Variants in MYO3B observed in about 807,000 individuals in gnomAD.
MYO3B encodes myosin-IIIb.
Under a neutral mutation model 174.6 loss-of-function variants are expected in MYO3B, and 156 were observed. That is an observed-to-expected ratio of 0.89 (90% CI 0.78 to 1.02). The LOEUF (loss-of-function observed/expected upper bound fraction) is 1.02, where lower values mean the gene tolerates loss of function less well. MYO3B is among the 50% of genes least tolerant of loss of function. MYO3B has a pLI of 0.00. For synonymous variants in MYO3B, 563 were observed against 569.1 expected (o/e 0.99, Z 0.15); for missense variants, 1,632 against 1,639.4 (o/e 1.00, Z 0.08).
intron 32 of MYO3B, among the ~76,000 whole-genome samples, chr2:170,623,146 A>ACACTGTCT (rs1284710591): frequency 6.6e-6 from 1 of 152,320 alleles, no homozygotes; most frequent in East Asian, 1.9e-4. Flanking sequence ...AGGAATCGCC[A>ACACTGTCT]CACTGTCTTC....
intron 6 of MYO3B, among the ~76,000 whole-genome samples, chr2:170,235,552 G>C (rs576600116): frequency 1.3e-5 from 2 of 152,288 alleles, no homozygotes; most frequent in Non-Finnish European, 2.9e-5. Flanking sequence ...ACATCTCTCT[G>C]CTTAGTTGGT....
At chr2:170,398,722 C>A (rs2105786647) in intron 16 of MYO3B, among the ~76,000 whole-genome samples, 1 of 152,218 alleles carries the variant, frequency 6.6e-6, no homozygotes, top group East Asian at 1.9e-4. Context: ...GAACTGGGAG[C>A]AAAGAACAAA....
chr2:170,199,159 C>A (rs752964945), intron 1 of MYO3B, 49 bp from the exon 2 acceptor site: 2 of 1,283,238 alleles, frequency 1.6e-6, no homozygotes, highest in Admixed American at 2.5e-5. Context: ...AAGTCCACTG[C>A]CCCCAGTTCT....
chr2:170,481,687 G>T (rs1185084833), intron 25 of MYO3B, among the ~76,000 whole-genome samples: 1 of 152,180 alleles, frequency 6.6e-6, no homozygotes, highest in Non-Finnish European at 1.5e-5. Context: ...CTTCAACATT[G>T]TGAGTAAAAT....
intron 32 of MYO3B, among the ~76,000 whole-genome samples, chr2:170,553,140 G>A (rs1691038319): frequency 6.6e-6 from 1 of 152,202 alleles, no homozygotes; most frequent in Admixed American, 6.5e-5. Context: ...GAGGAGAAAT[G>A]TGGGGTTGGA....
chr2:170,546,179 T>A (rs1690469713), intron 32 of MYO3B, among the ~76,000 whole-genome samples: 1 of 152,214 alleles, frequency 6.6e-6, no homozygotes, highest in Non-Finnish European at 1.5e-5. Context: ...AGGTCCACAA[T>A]GGCTCCCTAC....
chr2:170,535,902 C>T (rs1050025945), intron 30 of MYO3B, among the ~76,000 whole-genome samples: 10 of 152,222 alleles, frequency 6.6e-5, no homozygotes, highest in African/African-American at 2.2e-4. Flanking sequence ...TCCACTACTG[C>T]GTCTCTTGTT....
chr2:170,238,928 G>C lies in MYO3B; in HGVS notation c.749+2792G>C, dbSNP rs138352004. Among the ~76,000 whole-genome samples the C allele has an allele frequency of 2.3e-3, 345 of 152,258 alleles. 1 individual carries two copies. Among genetic ancestry groups the C allele is most frequent in the Admixed American group, 4.1e-3 (62 of 15,302 alleles). ...AGAAGATCACACACAGGGTCATCGTGACCTGCTTTGAAATACTGCGTGACT... is the reference window on the plus strand; with the variant it reads ...AGAAGATCACACACAGGGTCATCGTCACCTGCTTTGAAATACTGCGTGACT... On this transcript the variant is annotated intron_variant, in intron 7 of 34. Transcript: ENST00000408978.
chr2:170,629,569 G>A (rs938118523), intron 32 of MYO3B, among the ~76,000 whole-genome samples: 1 of 152,164 alleles, frequency 6.6e-6, no homozygotes, highest in African/African-American at 2.4e-5. Flanking sequence ...CACACAACGG[G>A]CTGGGTGCGG....
At position 170,537,502 on chromosome 2, in the gene MYO3B, G is replaced by C. The variant is rs541156002; in HGVS notation, c.3576-5404G>C. 3.4e-5 allele frequency among the ~76,000 whole-genome samples: 4 copies of C among 118,960 alleles called. No homozygotes were observed. In the East Asian group the frequency reaches 1.1e-3, roughly 34 times the overall value. 78.0% of individuals were successfully genotyped at this position (118,960 alleles called of 152,430 possible). A position where few individuals can be genotyped will look rare whatever the true frequency, so the allele number is the denominator to read the frequency against. On this transcript the variant is annotated intron_variant, in intron 30 of 34. Transcript: ENST00000408978. ...TTTTTGGTGGGGAAGCTGGAGTGCAGTGGCACAATCATAGCTCACTGCAGC... is the reference window on the plus strand; with the variant it reads ...TTTTTGGTGGGGAAGCTGGAGTGCACTGGCACAATCATAGCTCACTGCAGC...
chr2:170,415,897 A>T (rs1445737291), intron 22 of MYO3B, among the ~76,000 whole-genome samples: 2 of 152,024 alleles, frequency 1.3e-5, no homozygotes, highest in African/African-American at 2.4e-5. Flanking sequence ...TCATCTTTTC[A>T]ATTATTTCTT....
intron 7 of MYO3B, among the ~76,000 whole-genome samples, chr2:170,271,413 C>G (rs2093424104): frequency 6.6e-6 from 1 of 152,108 alleles, no homozygotes; most frequent in East Asian, 1.9e-4. Context: ...GAATGGTGAA[C>G]CATGAAATGA....
At chr2:170,628,507 T>C (rs1460722111) in intron 32 of MYO3B, among the ~76,000 whole-genome samples, 1 of 152,202 alleles carries the variant, frequency 6.6e-6, no homozygotes, top group Non-Finnish European at 1.5e-5. Flanking sequence ...GATGAGGCAA[T>C]GCCTTGCCCT....
chr2:170,622,541 T>C (rs79515570), intron 32 of MYO3B, among the ~76,000 whole-genome samples: 19,831 of 152,184 alleles, frequency 0.13, 1,461 homozygotes, highest in East Asian at 0.31. Flanking sequence ...AGGAAATAAA[T>C]ATGCACATTC....
intron 30 of MYO3B, among the ~76,000 whole-genome samples, chr2:170,538,592 C>T (rs757991008): frequency 6.6e-6 from 1 of 152,220 alleles, no homozygotes; most frequent in Admixed American, 6.5e-5. Context: ...CCCTCATCCA[C>T]TCACACTGGG....
chr2:170,214,548 T>G (rs1446210074), intron 4 of MYO3B, 65 bp downstream of exon 4: 9 of 1,493,220 alleles, frequency 6.0e-6, no homozygotes, highest in African/African-American at 1.4e-5. Flanking sequence ...CTTGGGTCCT[T>G]ATTGCATATT....
At chr2:170,420,728 A>G (rs1441302945) in intron 22 of MYO3B, among the ~76,000 whole-genome samples, 5 of 152,322 alleles carry the variant, frequency 3.3e-5, no homozygotes, top group East Asian at 1.9e-4. Flanking sequence ...TGAAAAGATC[A>G]TAAGTGCCAT....
intron 22 of MYO3B, among the ~76,000 whole-genome samples, chr2:170,429,062 C>A (rs559870640): frequency 1.3e-5 from 2 of 152,298 alleles, no homozygotes; most frequent in African/African-American, 2.4e-5. Context: ...GTAACTTTCT[C>A]AGGCTTAAAA....
At chr2:170,593,892 A>G (rs1027339743) in intron 32 of MYO3B, among the ~76,000 whole-genome samples, 15 of 152,138 alleles carry the variant, frequency 9.9e-5, no homozygotes, top group Admixed American at 4.6e-4. Flanking sequence ...TAGAGAATCT[A>G]TGTTATTTCT....
Sources: gnomAD v4.1 joint callset for allele counts (sites outside exome capture counted in the v4.1 genomes callset) on GRCh38, gnomAD v4.1.1 for gene constraint, MANE v1.5 for transcripts, NCBI Gene and HGNC (gene_info 2026-07-23, HGNC 2026-07-21) for gene names.